Variants in CAMTA1 observed in about 807,000 individuals in gnomAD.
The protein encoded by CAMTA1 is calmodulin-binding transcription activator 1.
Under a neutral mutation model 170.9 loss-of-function variants are expected in CAMTA1, and 27 were observed. The observed-to-expected ratio is 0.16, with a 90% confidence interval of 0.12 to 0.22. CAMTA1 has a LOEUF of 0.22. Ranked by LOEUF, CAMTA1 falls within the 10% of genes least tolerant of loss-of-function variation. The pLI, the probability that CAMTA1 is intolerant of heterozygous loss-of-function variation, is 1.00. For missense variants in CAMTA1, 1,619 were observed against 2,217.2 expected, an observed-to-expected ratio of 0.73 and a Z score of 5.42; for synonymous variants, 833 against 891.5, an observed-to-expected ratio of 0.93 and a Z score of 1.17.
chr1:7,586,965 G>A (rs2150443158), intron 6 of CAMTA1, among the ~76,000 whole-genome samples: 1 of 152,084 alleles, frequency 6.6e-6, no homozygotes, highest in East Asian at 1.9e-4. Flanking sequence ...ACTCAAAGTA[G>A]CCCAGATACA....
chr1:6,818,629 A>T (rs967562466), intron 1 of CAMTA1, among the ~76,000 whole-genome samples: 12 of 152,044 alleles, frequency 7.9e-5, no homozygotes, highest in African/African-American at 2.9e-4. Flanking sequence ...TGAACTCTTT[A>T]TATTTTATTT....
intron 11 of CAMTA1, among the ~76,000 whole-genome samples, chr1:7,699,882 T>G (rs2096419632): frequency 6.6e-6 from 1 of 152,226 alleles, no homozygotes; most frequent in Non-Finnish European, 1.5e-5. Context: ...GTTCTTTGCT[T>G]TTTATTTTTG....
At chr1:6,831,096 A>ACGTGAGCCATCGCGCCCGGC (rs1553158509) in intron 3 of CAMTA1, among the ~76,000 whole-genome samples, 1 of 152,030 alleles carries the variant, frequency 6.6e-6, no homozygotes, top group Non-Finnish European at 1.5e-5. Flanking sequence ...GGGATTACGG[A>ACGTGAGCCATCGCGCCCGGC]CGTGAGCCAT....
intron 5 of CAMTA1, among the ~76,000 whole-genome samples, chr1:7,262,570 A>AG (rs1668338775): frequency 6.6e-6 from 1 of 152,184 alleles, no homozygotes; most frequent in African/African-American, 2.4e-5. Flanking sequence ...CTCAAAAAAA[A>AG]GTCTTAAATT....
chr1:7,668,717 T>G (rs1316430585), intron 9 of CAMTA1, among the ~76,000 whole-genome samples: 1 of 152,222 alleles, frequency 6.6e-6, no homozygotes, highest in Non-Finnish European at 1.5e-5. Flanking sequence ...TGAGCTGTCC[T>G]GCGGCGGTTT....
intron 3 of CAMTA1, among the ~76,000 whole-genome samples, chr1:6,840,444 A>G (rs1051465607): frequency 5.3e-5 from 8 of 152,096 alleles, no homozygotes; most frequent in Non-Finnish European, 2.9e-5. Flanking sequence ...GGAGCTGTCA[A>G]TTCATGGGAT....
At position 7,436,957 on chromosome 1, in the gene CAMTA1, G is replaced by T. The variant is rs190051724; in HGVS notation, c.439-30873G>T. On this transcript the variant is annotated intron_variant, in intron 5 of 22. Coordinates refer to ENST00000303635, the MANE Select transcript of CAMTA1 (RefSeq NM_015215.4). ...AGCTGTGGGCAAAGCCTGCACGTTG[G>T]GGGGAATGGCAGGGCACAGCGGCAT... is the stretch of plus-strand genomic sequence containing the variant. Among the ~76,000 whole-genome samples the T allele has an allele frequency of 5.3e-5, 8 of 152,134 alleles. No individual in the cohort carries two copies. The East Asian group carries it at 9.6e-4, about 18-fold the overall frequency.
intron 3 of CAMTA1, among the ~76,000 whole-genome samples, chr1:7,033,581 A>G (rs937979054): frequency 4.2e-4 from 59 of 140,094 alleles, no homozygotes; most frequent in Non-Finnish European, 7.6e-4. Context: ...TTATTCTTGT[A>G]AATATTCTTT....
chr1:7,547,380 AC>A lies in CAMTA1; in HGVS notation c.510+79480del, dbSNP rs2094710657. Among the ~76,000 whole-genome samples, 2 of 151,652 alleles carry A rather than the reference AC, an allele frequency of 1.3e-5. No homozygotes were observed. The highest frequency in any genetic ancestry group is 6.6e-5 in the Admixed American group (1 of 15,232). On this transcript the variant is annotated intron_variant, in intron 6 of 22. Transcript: ENST00000303635. This position sits in a 1 kb window ranked among gnomAD's most constrained non-coding sequence, Gnocchi z 5.7. ...CACACACACACACACACACACACAC[AC>A]ACACACACAGAGTTGGCCTTCCACA...
intron 4 of CAMTA1, among the ~76,000 whole-genome samples, chr1:7,230,803 A>T (rs1662649156): frequency 6.6e-6 from 1 of 151,736 alleles, no homozygotes; most frequent in Admixed American, 6.6e-5. Context: ...AGTTGGGGAG[A>T]TGGCATGAGG....
At chr1:6,867,490 G>A (rs1014777228) in intron 3 of CAMTA1, among the ~76,000 whole-genome samples, 9 of 152,316 alleles carry the variant, frequency 5.9e-5, no homozygotes, top group African/African-American at 2.2e-4. Context: ...AGGTGGAGAT[G>A]GTGCCTGCTG....
chr1:7,710,525 A>T (rs982999156), intron 11 of CAMTA1, among the ~76,000 whole-genome samples: 1 of 148,876 alleles, frequency 6.7e-6, no homozygotes, highest in African/African-American at 2.5e-5. Context: ...GCTTGAGCCC[A>T]GGAGTTTGAG....
intron 6 of CAMTA1, among the ~76,000 whole-genome samples, chr1:7,517,555 T>C (rs1323822941): frequency 1.0e-5 from 1 of 99,726 alleles, no homozygotes; most frequent in African/African-American, 3.5e-5. Flanking sequence ...TTGGTATATA[T>C]CATCTCTTTA....
chr1:7,362,423 C>T (rs1437676601), intron 5 of CAMTA1, among the ~76,000 whole-genome samples: 1 of 151,998 alleles, frequency 6.6e-6, no homozygotes, highest in Non-Finnish European at 1.5e-5. Context: ...AGTTAGTGGA[C>T]TTGGAAAGAG....
intron 3 of CAMTA1, among the ~76,000 whole-genome samples, chr1:6,947,827 A>T (rs75309253): frequency 0.017 from 2,646 of 152,134 alleles, 74 homozygotes; most frequent in African/African-American, 0.06. Context: ...AGAATTTTTC[A>T]TTGTAAATAT....
At chr1:6,945,493 T>C (rs867716160) in intron 3 of CAMTA1, among the ~76,000 whole-genome samples, 8 of 151,986 alleles carry the variant, frequency 5.3e-5, no homozygotes, top group African/African-American at 7.3e-5. Context: ...GGACCACAGG[T>C]GTGCACCACT....
intron 8 of CAMTA1, among the ~76,000 whole-genome samples, chr1:7,662,941 C>T (rs376483478): frequency 8.5e-5 from 13 of 152,238 alleles, no homozygotes; most frequent in South Asian, 6.2e-4. Context: ...AGGATACGAA[C>T]GTAGCCACTC....
chr1:6,924,874 C>G (rs1178993351), intron 3 of CAMTA1, among the ~76,000 whole-genome samples: 1 of 152,228 alleles, frequency 6.6e-6, no homozygotes, highest in African/African-American at 2.4e-5. Flanking sequence ...TTGATGAACT[C>G]TGGCAGCCCA....
chr1:7,668,818 C>T (rs1321665932), intron 9 of CAMTA1, among the ~76,000 whole-genome samples: 4 of 152,142 alleles, frequency 2.6e-5, no homozygotes, highest in African/African-American at 9.7e-5. Flanking sequence ...CTGTTGATTG[C>T]GGTTATTATT....
Sources: allele counts gnomAD v4.1 joint callset (sites outside exome capture counted in the v4.1 genomes callset), GRCh38; gene constraint gnomAD v4.1.1; non-coding constraint Gnocchi (gnomAD v3.1); transcripts MANE v1.5; gene names NCBI Gene and HGNC (gene_info 2026-07-23, HGNC 2026-07-21).